RNF220: variants seen among roughly 807,000 people sequenced by gnomAD.
The protein encoded by RNF220 is ring finger protein 220.
Under a neutral mutation model 67.1 loss-of-function variants are expected in RNF220, and 7 were observed. The observed-to-expected ratio is 0.10, with a 90% CI of 0.06 to 0.20. The LOEUF (loss-of-function observed/expected upper bound fraction) is 0.20, where lower values mean the gene tolerates loss of function less well. Ranked by LOEUF, RNF220 falls within the 10% of genes least tolerant of loss-of-function variation. The probability of loss-of-function intolerance (pLI) is 1.00; values close to 1 mark genes in which losing one functional copy is unlikely to be tolerated. For missense variants in RNF220, 565 were observed against 740.3 expected, an observed-to-expected ratio of 0.76 and a Z score of 2.75; for synonymous variants, 270 against 283.2, an observed-to-expected ratio of 0.95 and a Z score of 0.47.
At chr1:44,635,977 G>A in intron 7 of RNF220, 53 bp from the exon 8 acceptor site, 2 of 1,612,926 alleles carry the variant, frequency 1.2e-6, no homozygotes, top group Non-Finnish European at 1.7e-6. Flanking sequence ...CAGACTGTGG[G>A]GAGCAGGTGG....
intron 2 of RNF220, among the ~76,000 whole-genome samples, chr1:44,501,248 G>A (rs890944539): frequency 2.0e-5 from 3 of 152,034 alleles, no homozygotes; most frequent in African/African-American, 4.8e-5. Context: ...GGTGACCAGC[G>A]GCTGTCAGTA....
intron 2 of RNF220, among the ~76,000 whole-genome samples, chr1:44,605,412 C>T (rs1220633828): frequency 6.6e-6 from 1 of 152,160 alleles, no homozygotes; most frequent in Non-Finnish European, 1.5e-5. Context: ...TCCCAGCTGG[C>T]ATCTGCCTCT....
chr1:44,443,632 A>G (rs1437449803), intron 2 of RNF220, among the ~76,000 whole-genome samples: 2 of 152,234 alleles, frequency 1.3e-5, no homozygotes, highest in African/African-American at 4.8e-5. Context: ...ATTTATAAGC[A>G]TATCTTGCAG....
intron 2 of RNF220, among the ~76,000 whole-genome samples, chr1:44,427,630 A>T (rs1572465597): frequency 6.6e-6 from 1 of 152,234 alleles, no homozygotes; most frequent in Non-Finnish European, 1.5e-5. Context: ...GCTAACGCCC[A>T]ATGTGCTTTA....
At position 44,649,972 on chromosome 1, in the gene RNF220, G is replaced by A. The variant is rs1447634672; in HGVS notation, c.1629+15G>A. 1 of 1,612,538 alleles carries A rather than the reference G, an allele frequency of 6.2e-7. No individual in the cohort carries two copies. Among genetic ancestry groups the A allele is most frequent in the Non-Finnish European group, 8.5e-7 (1 of 1,179,702 alleles). Reference sequence around the variant, plus strand: ...TGCGGACCCTGGTGAGGTGGCATGGGGGTCGGGGAATGGGAGGCCGCTCCG... The same window carrying A: ...TGCGGACCCTGGTGAGGTGGCATGGAGGTCGGGGAATGGGAGGCCGCTCCG... On this transcript the variant is annotated intron_variant, in intron 14 of 14. Transcript: ENST00000361799. The surrounding 1 kb of genome is among the most constrained non-coding windows in gnomAD (Gnocchi z 5.9).
intron 2 of RNF220, chr1:44,423,846 G>C (rs1328234302): frequency 2.0e-6 from 2 of 985,232 alleles, no homozygotes; most frequent in Non-Finnish European, 2.4e-6. Flanking sequence ...CGCGAGGGAG[G>C]TTAGGCATGT....
At chr1:44,546,364 G>A (rs915949406) in intron 2 of RNF220, among the ~76,000 whole-genome samples, 15 of 152,092 alleles carry the variant, frequency 9.9e-5, no homozygotes, top group African/African-American at 2.9e-4. Context: ...CACCTCCACC[G>A]CAACATCTGA....
At chr1:44,614,790 C>A (rs1643476392) in intron 3 of RNF220, among the ~76,000 whole-genome samples, 1 of 151,878 alleles carries the variant, frequency 6.6e-6, no homozygotes, top group Non-Finnish European at 1.5e-5. Flanking sequence ...CAGCCTCCCT[C>A]CCTTGTCCCT....
intron 2 of RNF220, among the ~76,000 whole-genome samples, chr1:44,556,056 A>G (rs1326439718): frequency 6.7e-6 from 1 of 150,142 alleles, no homozygotes; most frequent in South Asian, 2.1e-4. Context: ...TGTGTTTGAG[A>G]TGGAGTCTCT....
intron 2 of RNF220, among the ~76,000 whole-genome samples, chr1:44,558,607 T>G (rs1474347567): frequency 1.3e-5 from 2 of 152,182 alleles, no homozygotes; most frequent in Non-Finnish European, 2.9e-5. Flanking sequence ...CCCTGCAAGG[T>G]GAGTATTTTT....
chr1:44,643,963 A>C (rs1278770950), intron 8 of RNF220: 2 of 153,198 alleles, frequency 1.3e-5, no homozygotes, highest in African/African-American at 4.8e-5. Flanking sequence ...GATGCACCTC[A>C]GGGGTCAGCC....
intron 2 of RNF220, among the ~76,000 whole-genome samples, chr1:44,452,730 T>A: frequency 6.6e-6 from 1 of 152,072 alleles, no homozygotes; most frequent in Non-Finnish European, 1.5e-5. Context: ...CTTGGCCTTC[T>A]TGAAGTGCTG....
chr1:44,567,392 A>T (rs570481595), intron 2 of RNF220, among the ~76,000 whole-genome samples: 1 of 152,260 alleles, frequency 6.6e-6, no homozygotes, highest in East Asian at 1.9e-4. Context: ...AGTTGGCCAC[A>T]TAGCCCCCGC....
At chr1:44,500,648 G>A (rs2148080529) in intron 2 of RNF220, among the ~76,000 whole-genome samples, 1 of 152,304 alleles carries the variant, frequency 6.6e-6, no homozygotes, top group South Asian at 2.1e-4. Context: ...TTCCTCCCCA[G>A]CGGCTGCAGC....
rs1643448520 is a variant in RNF220 at position 44,614,307 on chromosome 1, C to T, written c.758+10C>T. 1.2e-6 allele frequency: 2 copies of T among 1,613,048 alleles called. No individual in the cohort carries two copies. The highest frequency in any genetic ancestry group is 2.2e-5 in the East Asian group (1 of 44,872). ...CCCAACTGCCCTCGAGGTAAGCCAC[C>T]TCCCAGGGAGCCTGCCTGCTGGAGG... On this transcript the variant is annotated intron_variant, in intron 3 of 14. Coordinates refer to ENST00000361799, the MANE Select transcript of RNF220 (RefSeq NM_018150.4).
At chr1:44,611,421 T>C (rs887313760) in intron 2 of RNF220, among the ~76,000 whole-genome samples, 4 of 152,200 alleles carry the variant, frequency 2.6e-5, no homozygotes, top group African/African-American at 7.2e-5. Context: ...GAACCAGACT[T>C]GGTGTACCAG....
chr1:44,650,097 G>GCAGGATATTTACCCC lies in RNF220; in HGVS notation c.1629+145_1629+159dup. On this transcript the variant is annotated intron_variant, in intron 14 of 14. Transcript: ENST00000361799. The surrounding 1 kb of genome is among the most constrained non-coding windows in gnomAD (Gnocchi z 4.3). ...GAGCCAGGAGCCAGGATATTTACCC[G>GCAGGATATTTACCCC]CAGGATATTTACCCCCAGGCTCGCT... 1.1e-6 allele frequency: 1 copy of GCAGGATATTTACCCC among 888,530 alleles called. No individual in the cohort carries two copies. The highest frequency in any genetic ancestry group is 1.7e-6 in the Non-Finnish European group (1 of 587,970). The allele number at this position is 888,530 out of a possible 1,614,324, so 55.0% of individuals were successfully genotyped here.
chr1:44,650,293 C>G lies in RNF220; in HGVS notation c.1629+336C>G. 1 of 502,548 alleles carries G rather than the reference C, an allele frequency of 2.0e-6. No homozygotes were observed. Among genetic ancestry groups the G allele is most frequent in the Non-Finnish European group, 3.6e-6 (1 of 279,088 alleles). 31.1% of individuals were successfully genotyped at this position (502,548 alleles called of 1,614,324 possible). The stretch of plus-strand genomic sequence containing the variant: ...AACAGGACCAGGGCCTTGGCCCCTC[C>G]CCCTCCCATTACTAAGCTCCTTCTG... On this transcript the variant is annotated intron_variant, in intron 14 of 14. Coordinates refer to ENST00000361799, the MANE Select transcript of RNF220 (RefSeq NM_018150.4). This position sits in a 1 kb window ranked among gnomAD's most constrained non-coding sequence, Gnocchi z 4.3.
intron 2 of RNF220, among the ~76,000 whole-genome samples, chr1:44,586,941 G>A (rs189406299): frequency 3.9e-5 from 6 of 152,216 alleles, no homozygotes; most frequent in South Asian, 2.1e-4. Context: ...CTCAGTAACC[G>A]CATCATAACA....
Sources: allele counts gnomAD v4.1 joint callset (sites outside exome capture counted in the v4.1 genomes callset), GRCh38; gene constraint gnomAD v4.1.1; non-coding constraint Gnocchi (gnomAD v3.1); transcripts MANE v1.5; gene names NCBI Gene and HGNC (gene_info 2026-07-23, HGNC 2026-07-21).